The following DCC variants were observed in gnomAD, a reference collection of about 807,000 sequenced individuals.
DCC encodes DCC netrin 1 receptor.
Under a neutral mutation model 172.5 loss-of-function variants are expected in DCC, and 58 were observed. The observed-to-expected ratio is 0.34, with a 90% CI of 0.27 to 0.42. DCC has a LOEUF of 0.42. Ranked by LOEUF, DCC falls within the 10% of genes least tolerant of loss-of-function variation. DCC has a pLI of 1.00. For synonymous variants in DCC, 709 were observed against 644.5 expected (o/e 1.10, Z -1.52); for missense variants, 1,740 against 1,791.0 (o/e 0.97, Z 0.51).
chr18:52,805,571 A>C (rs577681195), intron 2 of DCC, among the ~76,000 whole-genome samples: 206 of 152,338 alleles, frequency 1.4e-3, no homozygotes, highest in African/African-American at 4.8e-3. Context: ...TCCACAGGTT[A>C]TAGAAAGATA....
At chr18:53,450,120 GATAT>G (rs59116255) in intron 22 of DCC, among the ~76,000 whole-genome samples, 6 of 147,278 alleles carry the variant, frequency 4.1e-5, no homozygotes, top group Non-Finnish European at 6.0e-5. Flanking sequence ...ATCATAGGGG[GATAT>G]ATATATATAT....
At chr18:52,933,034 T>G in intron 5 of DCC, among the ~76,000 whole-genome samples, 1 of 151,904 alleles carries the variant, frequency 6.6e-6, no homozygotes, top group South Asian at 2.1e-4. Context: ...TAAATACCCC[T>G]GTTAAACATT....
chr18:53,186,241 G>T (rs989064881), intron 9 of DCC, among the ~76,000 whole-genome samples: 1 of 152,142 alleles, frequency 6.6e-6, no homozygotes, highest in African/African-American at 2.4e-5. Flanking sequence ...GTAGGAAAGG[G>T]GATAAGAAAG....
intron 27 of DCC, among the ~76,000 whole-genome samples, chr18:53,501,511 G>T (rs968308857): frequency 6.6e-6 from 1 of 151,024 alleles, no homozygotes; most frequent in Non-Finnish European, 1.5e-5. Context: ...ATTCTGAATT[G>T]AAGAATATAT....
chr18:53,112,980 C>T (rs927608521), intron 7 of DCC, among the ~76,000 whole-genome samples: 4 of 151,432 alleles, frequency 2.6e-5, no homozygotes, highest in Non-Finnish European at 5.9e-5. Context: ...ATCCTCTTTC[C>T]TTTGGATTCT....
intron 7 of DCC, among the ~76,000 whole-genome samples, chr18:53,106,645 G>A (rs2043252255): frequency 6.6e-6 from 1 of 151,970 alleles, no homozygotes; most frequent in South Asian, 2.1e-4. Context: ...GACCCCAAGA[G>A]AGGGTTGTTG....
intron 9 of DCC, among the ~76,000 whole-genome samples, chr18:53,191,749 A>G (rs1444838804): frequency 7.6e-6 from 1 of 131,204 alleles, no homozygotes; most frequent in Non-Finnish European, 1.8e-5. Context: ...TGTTTTCCTT[A>G]TTTTACTCAG....
intron 2 of DCC, among the ~76,000 whole-genome samples, chr18:52,861,999 T>G (rs985668142): frequency 3.3e-5 from 5 of 152,176 alleles, no homozygotes; most frequent in Admixed American, 3.3e-4. Flanking sequence ...GGAAACTTTG[T>G]TGTATCATGG....
intron 16 of DCC, among the ~76,000 whole-genome samples, chr18:53,388,686 A>G (rs371350544): frequency 4.4e-4 from 67 of 152,380 alleles, no homozygotes; most frequent in African/African-American, 1.6e-3. Flanking sequence ...GATGAAAAGA[A>G]GAAGACTAAT....
chr18:53,040,877 C>A (rs1355153241), intron 5 of DCC, among the ~76,000 whole-genome samples: 1 of 151,646 alleles, frequency 6.6e-6, no homozygotes, highest in East Asian at 2.0e-4. Flanking sequence ...TAATGGTCAT[C>A]CATGTAGAGA....
At chr18:53,175,117 A>C (rs1003294008) in intron 8 of DCC, among the ~76,000 whole-genome samples, 1 of 152,158 alleles carries the variant, frequency 6.6e-6, no homozygotes, top group African/African-American at 2.4e-5. Context: ...CCTTTGACAA[A>C]ATTCAAGAAC....
chr18:53,359,057 T>C (rs753097531), intron 15 of DCC, among the ~76,000 whole-genome samples: 2 of 152,176 alleles, frequency 1.3e-5, no homozygotes, highest in Non-Finnish European at 2.9e-5. Flanking sequence ...ATATGTTATG[T>C]ACTGTGTATA....
chr18:52,757,690 A>ATT (rs1704005917), intron 2 of DCC, among the ~76,000 whole-genome samples: 1 of 151,996 alleles, frequency 6.6e-6, no homozygotes, highest in Middle Eastern at 3.2e-3. Context: ...GTCTTTGTTA[A>ATT]TTTTTCAGCA....
rs543060551 is a variant in DCC at position 52,864,282 on chromosome 18, T to C, written c.413-41762T>C. 9.4e-4 allele frequency among the ~76,000 whole-genome samples: 143 copies of C among 152,258 alleles called. 1 individual carries two copies. Among genetic ancestry groups the C allele is most frequent in the African/African-American group, 3.4e-3 (140 of 41,558 alleles). On this transcript the variant is annotated intron_variant, in intron 2 of 28. Transcript: ENST00000442544. The stretch of plus-strand genomic sequence containing the variant: ...ATTTACATTTGAAAGCATAGAGAGA[T>C]TTTAAGCTTTTTCAAGAAGTCTGGG...
At chr18:52,939,636 C>A (rs2040431000) in intron 5 of DCC, among the ~76,000 whole-genome samples, 1 of 152,146 alleles carries the variant, frequency 6.6e-6, no homozygotes, top group African/African-American at 2.4e-5. Flanking sequence ...TTTCTCTTTT[C>A]ATAGTCTCAA....
intron 13 of DCC, among the ~76,000 whole-genome samples, chr18:53,310,292 A>G (rs1308319661): frequency 3.9e-5 from 6 of 152,142 alleles, no homozygotes; most frequent in Non-Finnish European, 8.8e-5. Context: ...AATCTACAGC[A>G]CTGTAAAATG....
At chr18:52,571,904 A>T (rs2033305377) in intron 1 of DCC, among the ~76,000 whole-genome samples, 1 of 152,242 alleles carries the variant, frequency 6.6e-6, no homozygotes, top group Admixed American at 6.5e-5. Flanking sequence ...GGATTTTTGT[A>T]TTAATTATTA....
chr18:53,205,097 TA>T, intron 9 of DCC, 118 bp from the exon 10 acceptor site: 1 of 779,486 alleles, frequency 1.3e-6, no homozygotes, highest in Non-Finnish European at 2.2e-6. Context: ...CATATTATTC[TA>T]AAATACATAC....
Position 52,680,556 on chromosome 18 carries a change from T to C in DCC, c.92-71498T>C, listed in dbSNP as rs548598720. Among the ~76,000 whole-genome samples the C allele has an allele frequency of 4.6e-5, 7 of 152,238 alleles. No individual in the cohort carries two copies. In the South Asian group the frequency reaches 1.2e-3, roughly 27 times the overall value. ...TAAACAGTGTTATTTAATACCTTAA[T>C]TGAGATTAATATCTTCTCCACCATT... is the stretch of plus-strand genomic sequence containing the variant. On this transcript the variant is annotated intron_variant, in intron 1 of 28. Coordinates refer to ENST00000442544, the MANE Select transcript of DCC (RefSeq NM_005215.4).
Sources: allele counts gnomAD v4.1 joint callset (sites outside exome capture counted in the v4.1 genomes callset), GRCh38; gene constraint gnomAD v4.1.1; transcripts MANE v1.5; gene names NCBI Gene and HGNC (gene_info 2026-07-23, HGNC 2026-07-21).